The following CDH13 variants were observed in gnomAD, a reference collection of about 807,000 sequenced individuals.
The protein encoded by CDH13 is cadherin 13.
In CDH13, 24 loss-of-function variants were observed where a neutral mutation model predicts 63.8. That is an observed-to-expected ratio of 0.38 (90% CI 0.27 to 0.53). The LOEUF (loss-of-function observed/expected upper bound fraction) is 0.53. CDH13 is among the 20% of genes least tolerant of loss of function. The pLI is 0.85. For synonymous variants in CDH13, 503 were observed against 355.3 expected (o/e 1.42, Z -4.67); for missense variants, 1,049 against 903.1 (o/e 1.16, Z -2.07).
intron 1 of CDH13, among the ~76,000 whole-genome samples, chr16:82,766,147 T>C (rs2035045550): frequency 1.3e-5 from 2 of 152,216 alleles, no homozygotes; most frequent in Admixed American, 1.3e-4. Flanking sequence ...AAAATCACTC[T>C]TCTGAAATAA....
At chr16:83,224,919 G>C (rs11150554) in intron 5 of CDH13, among the ~76,000 whole-genome samples, 21,372 of 152,214 alleles carry the variant, frequency 0.14, 1,724 homozygotes, top group Non-Finnish European at 0.18. Context: ...GTACAATGGA[G>C]TTGAAAGCAC....
chr16:83,341,647 A>C (rs2090725146), intron 5 of CDH13, among the ~76,000 whole-genome samples: 1 of 152,072 alleles, frequency 6.6e-6, no homozygotes, highest in Non-Finnish European at 1.5e-5. Flanking sequence ...CTTCCCAGGG[A>C]CTCATAGGAA....
At chr16:83,046,336 G>A (rs1402461108) in intron 3 of CDH13, among the ~76,000 whole-genome samples, 2 of 152,086 alleles carry the variant, frequency 1.3e-5, no homozygotes, top group Admixed American at 6.6e-5. Flanking sequence ...TATGTAGGCG[G>A]CCATCAAAAC....
At chr16:83,362,266 C>G (rs925895174) in intron 6 of CDH13, among the ~76,000 whole-genome samples, 1 of 152,170 alleles carries the variant, frequency 6.6e-6, no homozygotes, top group African/African-American at 2.4e-5. Context: ...AATCTGAGAC[C>G]TTTACCTTTG....
At chr16:82,721,983 C>G (rs540479846) in intron 1 of CDH13, among the ~76,000 whole-genome samples, 3 of 152,170 alleles carry the variant, frequency 2.0e-5, no homozygotes, top group African/African-American at 7.2e-5. Flanking sequence ...TGTCCCTACC[C>G]TCTCTCACTG....
chr16:83,433,544 C>G (rs547975548), intron 6 of CDH13, among the ~76,000 whole-genome samples: 1 of 152,186 alleles, frequency 6.6e-6, no homozygotes, highest in Non-Finnish European at 1.5e-5. Flanking sequence ...TGGCCTCACT[C>G]CCTGTGACTG....
intron 10 of CDH13, among the ~76,000 whole-genome samples, chr16:83,708,763 G>A (rs527352835): frequency 3.3e-5 from 5 of 152,290 alleles, no homozygotes; most frequent in East Asian, 3.9e-4. Flanking sequence ...GGTGGCTCAT[G>A]CCTGTAATTC....
intron 1 of CDH13, among the ~76,000 whole-genome samples, chr16:82,639,825 C>T (rs1412680790): frequency 6.6e-6 from 1 of 152,238 alleles, no homozygotes; most frequent in African/African-American, 2.4e-5. Context: ...AGAGCATGGC[C>T]TTTGCCCTCC....
intron 10 of CDH13, among the ~76,000 whole-genome samples, chr16:83,684,195 C>T (rs1463490663): frequency 2.0e-5 from 3 of 152,014 alleles, no homozygotes; most frequent in Admixed American, 6.6e-5. Flanking sequence ...GACGAAACGC[C>T]ATCTCTACTA....
intron 1 of CDH13, among the ~76,000 whole-genome samples, chr16:82,781,662 A>G (rs530582114): frequency 3.3e-5 from 5 of 152,262 alleles, no homozygotes; most frequent in African/African-American, 1.2e-4. Flanking sequence ...CCATCTATCT[A>G]TTCAACCTTT....
chr16:82,947,300 A>G (rs745585997), intron 2 of CDH13, among the ~76,000 whole-genome samples: 11 of 152,062 alleles, frequency 7.2e-5, no homozygotes, highest in Non-Finnish European at 1.6e-4. Context: ...CTATCTACTT[A>G]TTTCTTACAC....
At chr16:83,096,728 A>G (rs1001571823) in intron 3 of CDH13, among the ~76,000 whole-genome samples, 1 of 152,206 alleles carries the variant, frequency 6.6e-6, no homozygotes, top group African/African-American at 2.4e-5. Flanking sequence ...AGCCCATGTA[A>G]CAATACTGTC....
At chr16:83,643,996 G>C (rs1968263) in intron 8 of CDH13, among the ~76,000 whole-genome samples, 3 of 152,170 alleles carry the variant, frequency 2.0e-5, no homozygotes, top group Non-Finnish European at 2.9e-5. Context: ...CTTATCTTCA[G>C]ATCTTTAACA....
intron 3 of CDH13, among the ~76,000 whole-genome samples, chr16:83,086,586 T>C (rs1322846091): frequency 6.6e-6 from 1 of 152,246 alleles, no homozygotes. Context: ...GCTTAACTTA[T>C]AACTTTCAAA....
chr16:83,762,636 G>A (rs1315405018), intron 11 of CDH13, among the ~76,000 whole-genome samples: 1 of 152,162 alleles, frequency 6.6e-6, no homozygotes, highest in East Asian at 1.9e-4. Context: ...GAATCCCACT[G>A]GGGACGGCCA....
intron 5 of CDH13, among the ~76,000 whole-genome samples, chr16:83,222,945 G>A (rs1307273854): frequency 6.6e-6 from 1 of 152,020 alleles, no homozygotes; most frequent in South Asian, 2.1e-4. Context: ...AATTGTAGGA[G>A]GCTTAGCAGC....
At chr16:82,900,300 A>G (rs1445932652) in intron 2 of CDH13, among the ~76,000 whole-genome samples, 2 of 152,176 alleles carry the variant, frequency 1.3e-5, no homozygotes, top group Admixed American at 1.3e-4. Context: ...CATAAATGAA[A>G]TACCACAAAC....
In CDH13 at chr16:83,660,297, A is replaced by T. The variant is rs1276774965; in HGVS notation, c.1102-10493A>T. 2.0e-5 allele frequency among the ~76,000 whole-genome samples: 3 copies of T among 152,214 alleles called. No individual in the cohort carries two copies. In the South Asian group the frequency reaches 6.2e-4, roughly 31 times the overall value. On this transcript the variant is annotated intron_variant, in intron 8 of 13. Transcript: ENST00000567109. ...GGGATCCCTGAGCTTGTTTTCCTGC[A>T]ACTAGACGGTTCCATCTGGGGGTGA...
intron 7 of CDH13, among the ~76,000 whole-genome samples, chr16:83,510,632 G>A (rs1467975485): frequency 6.6e-6 from 1 of 152,130 alleles, no homozygotes; most frequent in Non-Finnish European, 1.5e-5. Flanking sequence ...GAGACCCAGG[G>A]ATCAAGACTC....
Sources: gnomAD v4.1 joint callset for allele counts (sites outside exome capture counted in the v4.1 genomes callset) on GRCh38, gnomAD v4.1.1 for gene constraint, MANE v1.5 for transcripts, NCBI Gene and HGNC (gene_info 2026-07-23, HGNC 2026-07-21) for gene names.